Variants in EPHA7 observed in about 807,000 individuals in gnomAD.
The protein encoded by EPHA7 is EPH receptor A7, also known as ephrin type-A receptor 7.
A neutral mutation model predicts 112.6 loss-of-function variants in EPHA7; 25 were observed. The ratio of observed to expected loss-of-function variants is 0.22; its 90% confidence interval spans 0.16 to 0.31. The LOEUF is 0.31. EPHA7 is among the 10% of genes least tolerant of loss of function. The pLI, the probability that EPHA7 is intolerant of heterozygous loss-of-function variation, is 1.00. For synonymous variants in EPHA7, 437 were observed against 406.5 expected (o/e 1.07, Z -0.90); for missense variants, 962 against 1,212.6 (o/e 0.79, Z 3.07).
chr6:93,361,558 G>A (rs1776262411), intron 3 of EPHA7, among the ~76,000 whole-genome samples: 1 of 151,974 alleles, frequency 6.6e-6, no homozygotes. Context: ...CATACATACA[G>A]GAAAGTTAGA....
chr6:93,335,722 A>G (rs1463464965), intron 5 of EPHA7, among the ~76,000 whole-genome samples: 1 of 152,068 alleles, frequency 6.6e-6, no homozygotes, highest in East Asian at 1.9e-4. Flanking sequence ...CATGGAAACT[A>G]CACTCTTTGA....
Position 93,342,600 on chromosome 6 carries a change from A to T in EPHA7, c.1324+14117T>A, listed in dbSNP as rs73755388. 4.1e-3 allele frequency among the ~76,000 whole-genome samples: 621 copies of T among 151,918 alleles called. 4 individuals are homozygous for T. The highest frequency in any genetic ancestry group is 0.014 in the African/African-American group (592 of 41,518). On this transcript the variant is annotated intron_variant, in intron 5 of 16. Transcript: ENST00000369303. ...GGCACAAGAAGTATTTTACATTGTCATTATTAAATAAAGTCCTCCTGGATG... is the reference window on the plus strand; with the variant it reads ...GGCACAAGAAGTATTTTACATTGTCTTTATTAAATAAAGTCCTCCTGGATG...
intron 5 of EPHA7, among the ~76,000 whole-genome samples, chr6:93,333,181 C>T (rs1273613644): frequency 2.0e-5 from 3 of 151,660 alleles, no homozygotes; most frequent in African/African-American, 7.3e-5. Flanking sequence ...TTATGGCCTC[C>T]AGCTCCATCC....
At chr6:93,286,789 G>A (rs1197554130) in intron 5 of EPHA7, among the ~76,000 whole-genome samples, 2 of 152,104 alleles carry the variant, frequency 1.3e-5, no homozygotes, top group African/African-American at 2.4e-5. Flanking sequence ...GAGTTTTCAG[G>A]TGAAGCTTTT....
chr6:93,273,599 T>C (rs1474440425), intron 5 of EPHA7, among the ~76,000 whole-genome samples: 1 of 151,966 alleles, frequency 6.6e-6, no homozygotes, highest in Non-Finnish European at 1.5e-5. Flanking sequence ...TCTCATTTCC[T>C]CCCAGATTAC....
chr6:93,274,721 G>A (rs1771390078), intron 5 of EPHA7, among the ~76,000 whole-genome samples: 14 of 151,740 alleles, frequency 9.2e-5, no homozygotes, highest in Admixed American at 9.2e-4. Flanking sequence ...CCTTGAGAAT[G>A]GATAAACTGC....
In EPHA7 at chr6:93,253,858, G is replaced by C. The variant is rs1030271506; in HGVS notation, c.2532+789C>G. On this transcript the variant is annotated intron_variant, in intron 14 of 16. Transcript: ENST00000369303. ...CTAATTTTCACTCATATTTCAATAG[G>C]TTGAACTATAAGTGCTCTTGGCCTA... Among the ~76,000 whole-genome samples the C allele has an allele frequency of 3.9e-5, 6 of 151,986 alleles. No homozygotes were observed. In the East Asian group the frequency reaches 1.2e-3, roughly 30 times the overall value.
intron 5 of EPHA7, among the ~76,000 whole-genome samples, chr6:93,310,654 T>TC: frequency 6.7e-6 from 1 of 148,818 alleles, no homozygotes; most frequent in South Asian, 2.1e-4. Flanking sequence ...ACAGCGAGAC[T>TC]CCGTCTCAAA....
intron 5 of EPHA7, among the ~76,000 whole-genome samples, chr6:93,326,297 C>T (rs1774316748): frequency 6.6e-6 from 1 of 151,332 alleles, no homozygotes; most frequent in African/African-American, 2.4e-5. Context: ...ATTCAACAAA[C>T]AAGTAAAATC....
chr6:93,318,585 G>A (rs534168561), intron 5 of EPHA7, among the ~76,000 whole-genome samples: 1 of 152,004 alleles, frequency 6.6e-6, no homozygotes, highest in East Asian at 1.9e-4. Context: ...AAAGACAACT[G>A]CTTTTAATAA....
intron 3 of EPHA7, among the ~76,000 whole-genome samples, chr6:93,401,198 A>T (rs1778422619): frequency 6.6e-6 from 1 of 152,248 alleles, no homozygotes; most frequent in East Asian, 1.9e-4. Context: ...CATCAGCAGT[A>T]AATAACTTAA....
At chr6:93,312,499 A>AC (rs1773592580) in intron 5 of EPHA7, among the ~76,000 whole-genome samples, 1 of 151,874 alleles carries the variant, frequency 6.6e-6, no homozygotes, top group Non-Finnish European at 1.5e-5. Flanking sequence ...ACTTGAAGAG[A>AC]CCTATGCCTT....
intron 5 of EPHA7, among the ~76,000 whole-genome samples, chr6:93,330,953 GA>G (rs1367783408): frequency 6.6e-6 from 1 of 151,320 alleles, no homozygotes; most frequent in East Asian, 1.9e-4. Context: ...TTGCTGTATG[GA>G]GAACATGCAC....
At chr6:93,401,017 T>C (rs1778414870) in intron 3 of EPHA7, among the ~76,000 whole-genome samples, 2 of 152,208 alleles carry the variant, frequency 1.3e-5, no homozygotes, top group South Asian at 4.1e-4. Context: ...TCTGTAAGGT[T>C]GTAATTCAGT....
At chr6:93,319,787 G>T (rs1289026738) in intron 5 of EPHA7, among the ~76,000 whole-genome samples, 1 of 152,118 alleles carries the variant, frequency 6.6e-6, no homozygotes, top group Non-Finnish European at 1.5e-5. Context: ...CAAATATTTG[G>T]AAGGTAGATT....
At chr6:93,333,189 T>C (rs1483360737) in intron 5 of EPHA7, among the ~76,000 whole-genome samples, 4 of 151,942 alleles carry the variant, frequency 2.6e-5, no homozygotes, top group African/African-American at 9.6e-5. Context: ...TCCAGCTCCA[T>C]CCATGATGCT....
intron 14 of EPHA7, among the ~76,000 whole-genome samples, chr6:93,250,446 A>C (rs1028055241): frequency 3.3e-5 from 5 of 152,162 alleles, no homozygotes; most frequent in African/African-American, 4.8e-5. Context: ...ATTAGGTTTA[A>C]GTATCATTAT....
intron 5 of EPHA7, among the ~76,000 whole-genome samples, chr6:93,343,109 T>C (rs562618146): frequency 7.2e-5 from 11 of 151,860 alleles, no homozygotes; most frequent in East Asian, 1.9e-4. Flanking sequence ...AAATAGTCAT[T>C]TGACTTTTCC....
At chr6:93,362,164 A>T (rs1187993794) in intron 3 of EPHA7, among the ~76,000 whole-genome samples, 1 of 152,038 alleles carries the variant, frequency 6.6e-6, no homozygotes, top group African/African-American at 2.4e-5. Flanking sequence ...TAATCTTGTC[A>T]GATTTCATAT....
Sources: allele counts gnomAD v4.1 joint callset (sites outside exome capture counted in the v4.1 genomes callset), GRCh38; gene constraint gnomAD v4.1.1; transcripts MANE v1.5; gene names NCBI Gene and HGNC (gene_info 2026-07-23, HGNC 2026-07-21).